Variants in MMP26 observed in about 807,000 individuals in gnomAD.
MMP26 encodes matrix metallopeptidase 26.
MMP26 carries 33 observed loss-of-function variants against 31.0 expected under a neutral mutation model. The ratio of observed to expected loss-of-function variants is 1.06; its 90% confidence interval spans 0.81 to 1.42. MMP26 has a LOEUF of 1.42. Ranked by LOEUF, MMP26 falls within the 40% of genes most tolerant of loss-of-function variation. MMP26 has a pLI of 0.00. For synonymous variants in MMP26, 122 were observed against 114.9 expected (o/e 1.06, Z -0.40); for missense variants, 347 against 316.1 (o/e 1.10, Z -0.74).
chr11:4,789,485 T>C (rs1589901112), intron 2 of MMP26, among the ~76,000 whole-genome samples: 2 of 150,046 alleles, frequency 1.3e-5, no homozygotes, highest in East Asian at 2.0e-4. Flanking sequence ...TCATGTATTT[T>C]ACCAGTATAC....
chr11:4,893,399 C>A (rs775817793), intron 2 of MMP26, among the ~76,000 whole-genome samples: 30 of 152,098 alleles, frequency 2.0e-4, no homozygotes, highest in South Asian at 1.0e-3. Context: ...TACAACCACA[C>A]TCCTTTTAGC....
rs776737867 is a variant in MMP26 at position 4,924,208 on chromosome 11, G to T, written c.-144-63860G>T. ...TACAAATGACGTGGAGAATGGTGAGGTTCCCCAAGATAACTGTCAGGTAGA... is the reference window on the plus strand; with the variant it reads ...TACAAATGACGTGGAGAATGGTGAGTTTCCCCAAGATAACTGTCAGGTAGA... On this transcript the variant is annotated intron_variant, in intron 2 of 7. Transcript: ENST00000380390. 3.6e-5 allele frequency: 58 copies of T among 1,614,054 alleles called. No individual in the cohort carries two copies. The highest frequency in any genetic ancestry group is 8.3e-5 in the Admixed American group (5 of 60,006).
At chr11:4,766,070 A>C (rs1041283538) in intron 1 of MMP26, among the ~76,000 whole-genome samples, 8 of 152,236 alleles carry the variant, frequency 5.3e-5, no homozygotes, top group African/African-American at 1.9e-4. Context: ...ATAGTCTTCT[A>C]TTCAGACCTC....
chr11:4,974,944 G>C lies in MMP26; in HGVS notation c.-144-13124G>C, dbSNP rs988962386. Among the ~76,000 whole-genome samples the C allele has an allele frequency of 2.0e-5, 3 of 151,850 alleles. No individual in the cohort carries two copies. The East Asian group carries it at 5.8e-4, about 29-fold the overall frequency. On this transcript the variant is annotated intron_variant, in intron 2 of 7. Transcript: ENST00000380390. ...ACAGGGAGAGGAACAACACACACTG[G>C]GGCCTGTCAGGGGTTGAGGTGGGGG...
At chr11:4,928,122 CA>C (rs5789344) in intron 2 of MMP26, among the ~76,000 whole-genome samples, 81,527 of 151,650 alleles carry the variant, frequency 0.54, 22,400 homozygotes, top group East Asian at 0.76. Context: ...TGACCTAGGA[CA>C]AATTACTTAA....
At chr11:4,961,393 C>T (rs746261378) in intron 2 of MMP26, among the ~76,000 whole-genome samples, 1 of 152,136 alleles carries the variant, frequency 6.6e-6, no homozygotes, top group Non-Finnish European at 1.5e-5. Flanking sequence ...AGATATTTCC[C>T]ACCCAGTCCT....
At chr11:4,826,275 A>T (rs1476559519) in intron 2 of MMP26, among the ~76,000 whole-genome samples, 4 of 152,110 alleles carry the variant, frequency 2.6e-5, no homozygotes, top group African/African-American at 9.7e-5. Context: ...TTCTAGGAGT[A>T]TAATGCGTTT....
At chr11:4,914,726 C>G in intron 2 of MMP26, 1 of 1,608,058 alleles carries the variant, frequency 6.2e-7, no homozygotes, top group East Asian at 2.2e-5. Context: ...CAGTTAGTAA[C>G]AAAAGGCATG....
In MMP26 at chr11:4,907,541, C is replaced by T. The variant is rs778392725; in HGVS notation, c.-144-80527C>T. ...AAAGACAGAGCCCTCGCTTCATGAG[C>T]CCATGTATTATTTCCTTGCCATGTT... On this transcript the variant is annotated intron_variant, in intron 2 of 7. Coordinates refer to ENST00000380390, the MANE Select transcript of MMP26 (RefSeq NM_021801.5). 8 of 1,613,980 alleles carry T rather than the reference C, an allele frequency of 5.0e-6. No individual in the cohort carries two copies. In the South Asian group the frequency reaches 7.7e-5, roughly 16 times the overall value.
At chr11:4,720,483 C>T (rs949877564) in intron 1 of MMP26, among the ~76,000 whole-genome samples, 16 of 152,036 alleles carry the variant, frequency 1.1e-4, no homozygotes, top group Non-Finnish European at 1.8e-4. Flanking sequence ...AGAAATCACA[C>T]CAGTGACTAA....
intron 2 of MMP26, among the ~76,000 whole-genome samples, chr11:4,818,165 T>C (rs1008957532): frequency 2.0e-5 from 3 of 152,128 alleles, no homozygotes; most frequent in Admixed American, 6.6e-5. Flanking sequence ...ATATTTCTTC[T>C]GGGCTAGATA....
In MMP26 at chr11:4,989,641, G is replaced by A. The variant is rs759087060; in HGVS notation, c.100-7G>A. 84 of 1,607,798 alleles carry A rather than the reference G, an allele frequency of 5.2e-5. No homozygotes were observed. The highest frequency in any genetic ancestry group is 5.8e-5 in the Non-Finnish European group (68 of 1,178,194). Reference sequence around the variant, plus strand: ...TCTTAGTACTCATCCTTCTTGATCTGATTCAGGGCTATTTCCATCAATTTT... The same window carrying A: ...TCTTAGTACTCATCCTTCTTGATCTAATTCAGGGCTATTTCCATCAATTTT... On this transcript the variant is annotated splice_region_variant and splice_polypyrimidine_tract_variant and intron_variant, in intron 3 of 7. Coordinates refer to ENST00000380390, the MANE Select transcript of MMP26 (RefSeq NM_021801.5).
At chr11:4,982,496 A>G (rs2133641849) in intron 2 of MMP26, among the ~76,000 whole-genome samples, 1 of 152,292 alleles carries the variant, frequency 6.6e-6, no homozygotes, top group East Asian at 1.9e-4. Context: ...TGGCAATTGT[A>G]AAGTCTCTAA....
chr11:4,935,496 T>G (rs1465296305), intron 2 of MMP26, among the ~76,000 whole-genome samples: 1 of 147,774 alleles, frequency 6.8e-6, no homozygotes, highest in Non-Finnish European at 1.5e-5. Flanking sequence ...TGGGGTTTTC[T>G]AGATATACAA....
intron 1 of MMP26, among the ~76,000 whole-genome samples, chr11:4,716,088 C>T (rs1454350469): frequency 2.6e-5 from 4 of 152,078 alleles, no homozygotes; most frequent in African/African-American, 9.7e-5. Flanking sequence ...AGCTAAAAGC[C>T]CAGCAAGAAA....
chr11:4,828,595 T>A (rs1417794683), intron 2 of MMP26, among the ~76,000 whole-genome samples: 1 of 152,134 alleles, frequency 6.6e-6, no homozygotes, highest in Admixed American at 6.6e-5. Context: ...TCAGAAAAGG[T>A]ATTTTCCTAA....
chr11:4,937,492 T>A (rs1321556583), intron 2 of MMP26: 1 of 153,016 alleles, frequency 6.5e-6, no homozygotes, highest in Non-Finnish European at 1.5e-5. Context: ...AGGAGACACA[T>A]CCCTGGCAAA....
At chr11:4,869,624 T>C (rs1034307673) in intron 2 of MMP26, among the ~76,000 whole-genome samples, 1 of 152,202 alleles carries the variant, frequency 6.6e-6, no homozygotes, top group Admixed American at 6.5e-5. Context: ...TTGGTGGGAC[T>C]GTAAACTGGT....
intron 2 of MMP26, among the ~76,000 whole-genome samples, chr11:4,782,533 G>C (rs1450928305): frequency 6.6e-6 from 1 of 152,210 alleles, no homozygotes; most frequent in East Asian, 1.9e-4. Flanking sequence ...AACATTTGCA[G>C]CCTGACAATG....
Sources: allele counts gnomAD v4.1 joint callset (sites outside exome capture counted in the v4.1 genomes callset), GRCh38; gene constraint gnomAD v4.1.1; transcripts MANE v1.5; gene names NCBI Gene and HGNC (gene_info 2026-07-23, HGNC 2026-07-21).